ACADS: variants seen among roughly 807,000 people sequenced by gnomAD.
ACADS encodes acyl-CoA dehydrogenase short chain.
In ACADS, 28 loss-of-function variants were observed where a neutral mutation model predicts 46.8. The observed-to-expected ratio is 0.60, with a 90% CI of 0.44 to 0.82. ACADS has a LOEUF of 0.82. Among genes scored for constraint, ACADS ranks in the 40% least tolerant of loss-of-function variants. The probability of loss-of-function intolerance (pLI) is 0.00; values close to 1 mark genes in which losing one functional copy is unlikely to be tolerated. For missense variants in ACADS, 528 were observed against 578.0 expected, an observed-to-expected ratio of 0.91 and a Z score of 0.89; for synonymous variants, 236 against 237.7, an observed-to-expected ratio of 0.99 and a Z score of 0.07.
chr12:120,731,039 G>C (rs754190484), intron 2 of ACADS, among the ~76,000 whole-genome samples: 1 of 152,038 alleles, frequency 6.6e-6, no homozygotes, highest in African/African-American at 2.4e-5. Context: ...TTGACCTCCC[G>C]GGCTCAGGGC....
At position 120,727,163 on chromosome 12, in the gene ACADS, A is replaced by G. The variant is rs1883112751; in HGVS notation, c.184A>G (p.Lys62Glu). ...ELFPIAAQVDKEHLFPAAQVK... is the reference protein window; with the variant it reads ...ELFPIAAQVDEEHLFPAAQVK... ...GTTTCCCATTGCAGCCCAGGTGGAT[A>G]AGGAACATCTCTTCCCAGCGGCTCA... is the stretch of plus-strand genomic sequence containing the variant. Residue 62 changes from lysine to glutamate, a missense_variant, in exon 2 of 10, where the codon AAG becomes GAG. Coordinates refer to ENST00000242592, the MANE Select transcript of ACADS (RefSeq NM_000017.4). 5 of 1,614,170 alleles carry G rather than the reference A, an allele frequency of 3.1e-6. No homozygotes were observed. Among genetic ancestry groups the G allele is most frequent in the Non-Finnish European group, 4.2e-6 (5 of 1,180,028 alleles).
intron 2 of ACADS, among the ~76,000 whole-genome samples, chr12:120,733,050 T>C (rs1005330740): frequency 6.6e-6 from 1 of 152,002 alleles, no homozygotes; most frequent in Non-Finnish European, 1.5e-5. Context: ...CGAAACCCCG[T>C]CTCCACCAAA....
rs1336525453 is a variant in ACADS at position 120,739,676 on chromosome 12, T to C, written c.*228T>C. On this transcript the variant is annotated 3_prime_UTR_variant, in exon 10 of 10. Transcript: ENST00000242592. ...ACCACTGTGCCTCAAGTTCCTCATC[T>C]AAGTGGCCCTGGCCTCCTGGGGGCG... The C allele has an allele frequency of 6.7e-6, 4 of 593,546 alleles. No individual in the cohort carries two copies. The highest frequency in any genetic ancestry group is 5.6e-5 in the African/African-American group (3 of 53,592). The allele number at this position is 593,546 out of a possible 1,614,324, so 36.8% of individuals were successfully genotyped here. A position where few individuals can be genotyped will look rare whatever the true frequency, so the allele number is the denominator to read the frequency against.
In ACADS at chr12:120,736,996, T is replaced by A. The variant is rs768915570; in HGVS notation, c.221T>A (p.Met74Lys). The A allele has an allele frequency of 6.2e-7, 1 of 1,608,708 alleles. No individual in the cohort carries two copies. The highest frequency in any genetic ancestry group is 8.5e-7 in the Non-Finnish European group (1 of 1,178,070). The change falls in exon 3 of 10, where the codon ATG becomes AAG. Residue 74 changes from methionine to lysine, a missense_variant. Transcript: ENST00000242592. The stretch of plus-strand genomic sequence containing the variant: ...CTTCCCTGTGCCCAGGTGAAGAAGA[T>A]GGGCGGGCTTGGGCTTCTGGCCATG... Reference protein sequence around the residue: ...HLFPAAQVKKMGGLGLLAMDV... With the variant: ...HLFPAAQVKKKGGLGLLAMDV...
At position 120,735,204 on chromosome 12, in the gene ACADS, G is replaced by A. The variant is rs568603212; in HGVS notation, c.211-1782G>A. Among the ~76,000 whole-genome samples, 23 of 147,834 alleles carry A rather than the reference G, an allele frequency of 1.6e-4. No individual in the cohort carries two copies. The East Asian group carries it at 4.5e-3, about 29-fold the overall frequency. On this transcript the variant is annotated intron_variant, in intron 2 of 9. Transcript: ENST00000242592. ...GGAGAATCACTTGAACCCAGGAGGTGGAGGTTGCAGTGAGCCGAGACTGTG... is the reference window on the plus strand; with the variant it reads ...GGAGAATCACTTGAACCCAGGAGGTAGAGGTTGCAGTGAGCCGAGACTGTG...
intron 2 of ACADS, among the ~76,000 whole-genome samples, chr12:120,732,279 C>T (rs1296754514): frequency 6.7e-6 from 1 of 150,090 alleles, no homozygotes; most frequent in Non-Finnish European, 1.5e-5. Context: ...CCCCACCTCC[C>T]TCCCGGACGG....
At chr12:120,733,370 G>T (rs565459056) in intron 2 of ACADS, among the ~76,000 whole-genome samples, 3 of 152,270 alleles carry the variant, frequency 2.0e-5, no homozygotes, top group South Asian at 4.1e-4. Context: ...AAAGTGCTGG[G>T]AATACAAGCA....
In ACADS at chr12:120,728,158, G is replaced by T. The variant is rs985908058; in HGVS notation, c.210+969G>T. Among the ~76,000 whole-genome samples the T allele has an allele frequency of 6.6e-6, 1 of 151,960 alleles. No homozygotes were observed. Among genetic ancestry groups the T allele is most frequent in the African/African-American group, 2.4e-5 (1 of 41,358 alleles). The stretch of plus-strand genomic sequence containing the variant: ...GATGGGGTTTCTCCATGTTGGGCAG[G>T]CTGGTCTCAAACTCCTGACCTTAGG... On this transcript the variant is annotated intron_variant, in intron 2 of 9. Coordinates refer to ENST00000242592, the MANE Select transcript of ACADS (RefSeq NM_000017.4). This position sits in a 1 kb window ranked among gnomAD's most constrained non-coding sequence, Gnocchi z 4.0.
chr12:120,736,581 A>G (rs1334777818), intron 2 of ACADS, among the ~76,000 whole-genome samples: 2 of 152,162 alleles, frequency 1.3e-5, no homozygotes, highest in African/African-American at 4.8e-5. Flanking sequence ...GCTGAGGGAT[A>G]GGAGGTGGCA....
chr12:120,735,337 T>C (rs1484518870), intron 2 of ACADS, among the ~76,000 whole-genome samples: 1 of 125,010 alleles, frequency 8.0e-6, no homozygotes, highest in Admixed American at 8.6e-5. Context: ...TGAGTCACTG[T>C]GCGCAGTCCT....
At position 120,729,259 on chromosome 12, in the gene ACADS, T is replaced by C. The variant is rs1356532091; in HGVS notation, c.210+2070T>C. 1.1e-4 allele frequency among the ~76,000 whole-genome samples: 3 copies of C among 28,160 alleles called. No individual in the cohort carries two copies. The African/African-American group carries it at 5.3e-3, about 50-fold the overall frequency. 18.5% of individuals were successfully genotyped at this position (28,160 alleles called of 152,430 possible). A position where few individuals can be genotyped will look rare whatever the true frequency, so the allele number is the denominator to read the frequency against. ...TGACTGCTTCTCTTTTTCTTTTTTC[T>C]TTTTTTTTTTTTTTTTGAGATGGAG... is the stretch of plus-strand genomic sequence containing the variant. On this transcript the variant is annotated intron_variant, in intron 2 of 9. Coordinates refer to ENST00000242592, the MANE Select transcript of ACADS (RefSeq NM_000017.4).
At chr12:120,733,106 C>T (rs1204820117) in intron 2 of ACADS, among the ~76,000 whole-genome samples, 1 of 152,276 alleles carries the variant, frequency 6.6e-6, no homozygotes, top group East Asian at 1.9e-4. Flanking sequence ...CCTGCAATCG[C>T]AGGCACTCGG....
chr12:120,737,585 T>C (rs929718602), intron 4 of ACADS, 118 bp downstream of exon 4: 2 of 1,144,826 alleles, frequency 1.7e-6, no homozygotes, highest in South Asian at 1.3e-5. Flanking sequence ...CCCGTGTGGT[T>C]GGTAGGGTGA....
Position 120,738,887 on chromosome 12 carries a change from T to C in ACADS, c.1001T>C (p.Leu334Pro), listed in dbSNP as rs1351891683. Residue 334 changes from leucine (L) to proline (P), a missense_variant, in exon 8 of 10, where the codon CTG becomes CCG. Leu to Pro is a moderately conservative substitution (Grantham distance 98). Transcript: ENST00000242592. Reference sequence around the variant, plus strand: ...CTGCTGACCTGGCGCGCTGCCATGCTGAAGGATAACAAGAAGCCTTTCATC... The same window carrying C: ...CTGCTGACCTGGCGCGCTGCCATGCCGAAGGATAACAAGAAGCCTTTCATC... ...ARLLTWRAAM[L>P]KDNKKPFIKE... The C allele has an allele frequency of 2.5e-6, 4 of 1,613,688 alleles. No homozygotes were observed.
intron 8 of ACADS, 27 bp downstream of exon 8, chr12:120,738,942 G>A (rs1219073757): frequency 1.2e-6 from 2 of 1,612,490 alleles, no homozygotes; most frequent in Non-Finnish European, 1.7e-6. Flanking sequence ...CCGAGCCATG[G>A]CCCAGAATGT....
rs1199178753 is a variant in ACADS at position 120,739,463 on chromosome 12, G to A, written c.*15G>A. 9 of 1,603,160 alleles carry A rather than the reference G, an allele frequency of 5.6e-6. No individual in the cohort carries two copies. Among genetic ancestry groups the A allele is most frequent in the South Asian group, 5.5e-5 (5 of 90,884 alleles). ...ACCGGAGCTGAGCCCGCGGCGGACT[G>A]CCCCAGGACTGCGGGAAGGCGCGGG... On this transcript the variant is annotated 3_prime_UTR_variant, in exon 10 of 10. Coordinates refer to ENST00000242592, the MANE Select transcript of ACADS (RefSeq NM_000017.4).
rs1478195730 is a variant in ACADS, at chr12:120,738,577, G to T, written c.840G>T (p.Leu280=). 6 of 1,612,624 alleles carry T rather than the reference G, an allele frequency of 3.7e-6. No individual in the cohort carries two copies. Among genetic ancestry groups the T allele is most frequent in the Non-Finnish European group, 4.2e-6 (5 of 1,180,018 alleles). Residue 280 remains leucine, a synonymous_variant, in exon 7 of 10, where the codon CTG becomes CTT. Transcript: ENST00000242592. ...MGRIGIASQA[L]GIAQTALDCA... The stretch of plus-strand genomic sequence containing the variant: ...GCATCGGCATCGCCTCCCAGGCCCT[G>T]GGCATTGCCCAGACCGCCCTCGATT...
chr12:120,739,034 C>T (rs894829104), intron 8 of ACADS, 106 bp from the exon 9 acceptor site: 32 of 1,587,624 alleles, frequency 2.0e-5, no homozygotes, highest in Non-Finnish European at 2.5e-5. Context: ...CTGGGGTTTA[C>T]AGCCCCATGG....
At chr12:120,735,188 C>CTT (rs1418150714) in intron 2 of ACADS, among the ~76,000 whole-genome samples, 3 of 146,698 alleles carry the variant, frequency 2.0e-5, no homozygotes, top group Non-Finnish European at 4.5e-5. Context: ...AGGAGAATCA[C>CTT]TTGAACCCAG....
Sources: allele counts gnomAD v4.1 joint callset (sites outside exome capture counted in the v4.1 genomes callset), GRCh38; gene constraint gnomAD v4.1.1; non-coding constraint Gnocchi (gnomAD v3.1); transcripts MANE v1.5; gene names NCBI Gene and HGNC (gene_info 2026-07-23, HGNC 2026-07-21).